VTI1A: variants seen among roughly 807,000 people sequenced by gnomAD.
VTI1A encodes vesicle transport through interaction with t-SNAREs homolog 1A.
Under a neutral mutation model 34.9 loss-of-function variants are expected in VTI1A, and 22 were observed. The ratio of observed to expected loss-of-function variants is 0.63; its 90% CI spans 0.45 to 0.90. The LOEUF (loss-of-function observed/expected upper bound fraction) is 0.90. Ranked by LOEUF, VTI1A falls within the 40% of genes least tolerant of loss-of-function variation. The probability of loss-of-function intolerance (pLI) is 0.00; values close to 1 mark genes in which losing one functional copy is unlikely to be tolerated. For missense variants in VTI1A, 268 were observed against 275.6 expected (o/e 0.97, Z 0.20); for synonymous variants, 87 against 97.3 (o/e 0.89, Z 0.62).
At chr10:112,571,287 A>G (rs1852105960) in intron 5 of VTI1A, among the ~76,000 whole-genome samples, 1 of 152,248 alleles carries the variant, frequency 6.6e-6, no homozygotes, top group African/African-American at 2.4e-5. Context: ...AGAAAAGACT[A>G]GTAATATCTC....
At chr10:112,553,521 T>C (rs949331767) in intron 5 of VTI1A, among the ~76,000 whole-genome samples, 12 of 152,240 alleles carry the variant, frequency 7.9e-5, no homozygotes, top group Admixed American at 5.2e-4. Flanking sequence ...CCCAGTGGCT[T>C]GATTCAGTGA....
At chr10:112,467,098 A>G (rs1313969438) in intron 3 of VTI1A, among the ~76,000 whole-genome samples, 2 of 152,192 alleles carry the variant, frequency 1.3e-5, no homozygotes, top group Admixed American at 1.3e-4. Context: ...TGAATTTAGA[A>G]GAGACACAAT....
chr10:112,571,636 A>G (rs1852126250), intron 5 of VTI1A, among the ~76,000 whole-genome samples: 1 of 152,180 alleles, frequency 6.6e-6, no homozygotes, highest in African/African-American at 2.4e-5. Context: ...CCATTACTGG[A>G]TATGTATATA....
intron 7 of VTI1A, among the ~76,000 whole-genome samples, chr10:112,768,823 T>C (rs931820928): frequency 2.0e-5 from 3 of 152,208 alleles, no homozygotes; most frequent in Admixed American, 6.5e-5. Context: ...TGGAGCCTCA[T>C]GTCTGCAACT....
chr10:112,626,800 A>C (rs1010598313), intron 5 of VTI1A, among the ~76,000 whole-genome samples: 16 of 152,214 alleles, frequency 1.1e-4, no homozygotes, highest in Non-Finnish European at 1.9e-4. Flanking sequence ...CTTCCAGTTA[A>C]AATGGGTAAA....
At chr10:112,693,754 C>T (rs1319485230) in intron 7 of VTI1A, among the ~76,000 whole-genome samples, 3 of 152,158 alleles carry the variant, frequency 2.0e-5, no homozygotes, top group Non-Finnish European at 2.9e-5. Flanking sequence ...GTTGCTCTTT[C>T]TGAGTGCTGA....
intron 7 of VTI1A, among the ~76,000 whole-genome samples, chr10:112,740,359 G>A (rs7916100): frequency 0.15 from 22,932 of 152,026 alleles, 3,785 homozygotes; most frequent in African/African-American, 0.41. Context: ...GTGCAATCTC[G>A]GCACACTGCA....
At chr10:112,653,922 A>T (rs1044102605) in intron 5 of VTI1A, among the ~76,000 whole-genome samples, 4 of 152,218 alleles carry the variant, frequency 2.6e-5, no homozygotes, top group African/African-American at 9.7e-5. Flanking sequence ...GTTCCCTAGT[A>T]AAGTCTATTC....
At position 112,818,151 on chromosome 10, in the gene VTI1A, G is replaced by A. The variant is rs1853577049; in HGVS notation, c.*2768G>A. 1 of 233,520 alleles carries A rather than the reference G, an allele frequency of 4.3e-6. No homozygotes were observed. Among genetic ancestry groups the A allele is most frequent in the Non-Finnish European group, 8.5e-6 (1 of 117,998 alleles). The allele number at this position is 233,520 out of a possible 1,614,324, so 14.5% of individuals were successfully genotyped here. A position where few individuals can be genotyped will look rare whatever the true frequency, so the allele number is the denominator to read the frequency against. The stretch of plus-strand genomic sequence containing the variant: ...ATTGTCTTATTTTGGAACCAGCTTG[G>A]TGGGGGGTTTGCTTTGCTACTGCTT... On this transcript the variant is annotated 3_prime_UTR_variant, in exon 8 of 8. Transcript: ENST00000393077.
intron 7 of VTI1A, among the ~76,000 whole-genome samples, chr10:112,705,071 G>GTTT (rs11294730): frequency 7.1e-6 from 1 of 140,558 alleles, no homozygotes; most frequent in African/African-American, 2.6e-5. Flanking sequence ...AAGTTTTTAA[G>GTTT]TTTTTTTTTT....
chr10:112,732,904 G>T (rs138158338), intron 7 of VTI1A, among the ~76,000 whole-genome samples: 2 of 149,710 alleles, frequency 1.3e-5, no homozygotes, highest in Non-Finnish European at 2.9e-5. Flanking sequence ...TACTAGGTCA[G>T]CCAGAGTTGA....
intron 7 of VTI1A, among the ~76,000 whole-genome samples, chr10:112,746,183 G>T (rs1850888557): frequency 6.6e-6 from 1 of 152,158 alleles, no homozygotes; most frequent in Non-Finnish European, 1.5e-5. Flanking sequence ...TAGAATTTCA[G>T]ATAAATCTGT....
intron 7 of VTI1A, among the ~76,000 whole-genome samples, chr10:112,761,860 C>CAT (rs10631289): frequency 0.79 from 119,172 of 151,638 alleles, 47,405 homozygotes; most frequent in East Asian, 0.96. Flanking sequence ...TATCTATACA[C>CAT]GTAGCAATCT....
chr10:112,749,605 A>C (rs939174150), intron 7 of VTI1A, among the ~76,000 whole-genome samples: 5 of 152,202 alleles, frequency 3.3e-5, no homozygotes, highest in Admixed American at 6.5e-5. Context: ...AGGTTTTTAC[A>C]CTTCAGGCAG....
At chr10:112,649,690 T>A (rs921539877) in intron 5 of VTI1A, among the ~76,000 whole-genome samples, 2 of 152,134 alleles carry the variant, frequency 1.3e-5, no homozygotes, top group Non-Finnish European at 2.9e-5. Flanking sequence ...GCAAATACCA[T>A]GGAGAGTACT....
chr10:112,654,031 T>C (rs546367900), intron 5 of VTI1A, among the ~76,000 whole-genome samples: 47 of 152,198 alleles, frequency 3.1e-4, no homozygotes, highest in African/African-American at 8.9e-4. Flanking sequence ...TTAGAAACAA[T>C]GGTAGCTTTG....
At position 112,718,028 on chromosome 10, in the gene VTI1A, ACTC is replaced by A. The variant is rs1849671338; in HGVS notation, c.560+49033_560+49035del. Among the ~76,000 whole-genome samples, 8 of 151,662 alleles carry A rather than the reference ACTC, an allele frequency of 5.3e-5. No individual in the cohort carries two copies. In the South Asian group the frequency reaches 1.7e-3, roughly 32 times the overall value. On this transcript the variant is annotated intron_variant, in intron 7 of 7. Transcript: ENST00000393077. ...TCAGTGCACACACACAAACCACAAA[ACTC>A]CTGTTGTCTGAATGAGAGTCAGTCA...
At chr10:112,610,835 C>T (rs1416230212) in intron 5 of VTI1A, among the ~76,000 whole-genome samples, 1 of 152,056 alleles carries the variant, frequency 6.6e-6, no homozygotes, top group Non-Finnish European at 1.5e-5. Flanking sequence ...AGGAGAATGA[C>T]GTGAACCCGG....
intron 7 of VTI1A, among the ~76,000 whole-genome samples, chr10:112,791,789 T>C (rs1032539741): frequency 4.6e-5 from 7 of 151,574 alleles, no homozygotes; most frequent in Admixed American, 3.9e-4. Flanking sequence ...GTCTGTTCTC[T>C]AATAAAAAAG....
Sources: gnomAD v4.1 joint callset for allele counts (sites outside exome capture counted in the v4.1 genomes callset) on GRCh38, gnomAD v4.1.1 for gene constraint, MANE v1.5 for transcripts, NCBI Gene and HGNC (gene_info 2026-07-23, HGNC 2026-07-21) for gene names.